Variants in CENPE observed in about 807,000 individuals in gnomAD.
CENPE encodes the protein centromere protein E, also known as centromere-associated protein E.
In CENPE, 145 loss-of-function variants were observed where a neutral mutation model predicts 336.1. That is an observed-to-expected ratio of 0.43 (90% CI 0.38 to 0.50). The LOEUF (loss-of-function observed/expected upper bound fraction) is 0.50, where lower values mean the gene tolerates loss of function less well. CENPE is among the 20% of genes least tolerant of loss of function. CENPE has a pLI of 0.00. For synonymous variants in CENPE, 1,013 were observed against 984.8 expected (o/e 1.03, Z -0.54); for missense variants, 2,719 against 3,023.3 (o/e 0.90, Z 2.36).
intron 16 of CENPE, among the ~76,000 whole-genome samples, chr4:103,171,060 C>G (rs201283636): frequency 5.5e-5 from 6 of 108,330 alleles, no homozygotes; most frequent in Non-Finnish European, 2.3e-5. Flanking sequence ...GGAAGAGAGA[C>G]TGCAACACAA....
intron 8 of CENPE, among the ~76,000 whole-genome samples, chr4:103,191,590 C>A (rs574095926): frequency 1.4e-5 from 2 of 138,114 alleles, no homozygotes; most frequent in African/African-American, 5.5e-5. Context: ...TAGGTTGGAA[C>A]TGAACAATGA....
At chr4:103,185,901 T>C in intron 8 of CENPE, 40 bp from the exon 9 acceptor site, 1 of 1,387,482 alleles carries the variant, frequency 7.2e-7, no homozygotes, top group Non-Finnish European at 1.0e-6. Context: ...GGCAGATAAT[T>C]TGAAATAATA....
At chr4:103,113,524 A>AT in intron 46 of CENPE, among the ~76,000 whole-genome samples, 1 of 139,814 alleles carries the variant, frequency 7.2e-6, no homozygotes, top group African/African-American at 2.7e-5. Context: ...AATATATATT[A>AT]TATATAATAT....
chr4:103,176,233 T>C (rs1358265175), intron 14 of CENPE, among the ~76,000 whole-genome samples, 185 bp from the exon 15 acceptor site: 1 of 152,202 alleles, frequency 6.6e-6, no homozygotes, highest in African/African-American at 2.4e-5. Flanking sequence ...TTGTATGAAT[T>C]AAGATGATCA....
chr4:103,192,931 ATT>A (rs780024766), intron 8 of CENPE, among the ~76,000 whole-genome samples: 1 of 150,536 alleles, frequency 6.6e-6, no homozygotes, highest in African/African-American at 2.4e-5. Flanking sequence ...TTTTTTAATT[ATT>A]TTTTTAGGAG....
rs376026902 is a variant in CENPE, at chr4:103,151,255, G to C, written c.3360C>G (p.Asp1120Glu). The change falls in exon 26 of 49, where the codon GAC (aspartate) becomes GAG (glutamate). Residue 1120 changes from aspartate (D) to glutamate (E), a missense_variant. Around this residue, in one of 5 missense-constraint regions of CENPE, gnomAD observed 2,437 missense variants for 2,513.3 expected, o/e 0.97. Coordinates refer to ENST00000265148, the MANE Select transcript of CENPE (RefSeq NM_001813.3). ...KKEGELSRTC[D>E]RLAEVEEKLK... ...GTTTTTCTTCAACTTCTGCCAGTCT[G>C]TCACAGGTCCTAGAAAGCTCTCCTT... 1 of 1,603,734 alleles carries C rather than the reference G, an allele frequency of 6.2e-7. No homozygotes were observed. The highest frequency in any genetic ancestry group is 1.8e-5 in the Admixed American group (1 of 57,130).
chr4:103,156,298 C>T (rs542669673), intron 24 of CENPE, among the ~76,000 whole-genome samples: 18 of 152,156 alleles, frequency 1.2e-4, no homozygotes, highest in African/African-American at 3.1e-4. Flanking sequence ...AAAAGAAGAA[C>T]GAAGTTGGAG....
At chr4:103,108,725 T>G in intron 48 of CENPE, 78 bp downstream of exon 48, 10 of 1,307,946 alleles carry the variant, frequency 7.6e-6, no homozygotes, top group Non-Finnish European at 1.1e-5. Flanking sequence ...TATCTAAACT[T>G]GCCCTTTGGG....
intron 24 of CENPE, among the ~76,000 whole-genome samples, chr4:103,155,989 T>A (rs990387261): frequency 2.0e-5 from 3 of 152,172 alleles, no homozygotes; most frequent in South Asian, 2.1e-4. Flanking sequence ...GACAATTTTA[T>A]GTATAATAGC....
In CENPE at chr4:103,147,480, A is replaced by C; in HGVS notation, c.4010T>G (p.Phe1337Cys). 6.2e-7 allele frequency: 1 copy of C among 1,613,920 alleles called. No homozygotes were observed. Among genetic ancestry groups the C allele is most frequent in the Non-Finnish European group, 8.5e-7 (1 of 1,179,954 alleles). ...TTTTATCTCTTCCTGACTTTCTTGA[A>C]ATTTTTCATTCAACCTGAGCCTTTC... ...EMERLRLNEK[F>C]QESQEEIKSL... The change falls in exon 29 of 49, where the codon TTT becomes TGT. Residue 1337 changes from phenylalanine to cysteine, a missense_variant. This residue lies in a region of CENPE where 2,437 missense variants were observed against 2,513.3 expected (regional missense o/e 0.97). Coordinates refer to ENST00000265148, the MANE Select transcript of CENPE (RefSeq NM_001813.3).
chr4:103,116,860 A>G (rs1315372165), intron 44 of CENPE, among the ~76,000 whole-genome samples, 171 bp from the exon 45 acceptor site: 1 of 152,136 alleles, frequency 6.6e-6, no homozygotes. Flanking sequence ...ATTGATATGA[A>G]GTCTATTTGA....
chr4:103,175,232 G>A (rs548763855), intron 15 of CENPE, among the ~76,000 whole-genome samples: 1 of 152,006 alleles, frequency 6.6e-6, no homozygotes, highest in East Asian at 1.9e-4. Context: ...TTCAAGAATG[G>A]AAACAGAGAT....
Position 103,146,091 on chromosome 4 carries a change from C to T in CENPE, c.4151G>A (p.Ser1384Asn). The T allele has an allele frequency of 6.2e-7, 1 of 1,612,980 alleles. No individual in the cohort carries two copies. The highest frequency in any genetic ancestry group is 8.5e-7 in the Non-Finnish European group (1 of 1,179,654). Residue 1384 changes from serine (S) to asparagine (N), a missense_variant, in exon 30 of 49, where the codon AGC (serine) becomes AAC (asparagine). Transcript: ENST00000265148. ...CATATTTAAGGACTGTTCTTGTTTG[C>T]TTTGAGACTCCTGGATCTTAAGAGA... is the stretch of plus-strand genomic sequence containing the variant. The part of the protein sequence containing the change: ...ETLAKIQESQ[S>N]KQEQSLNMKE...
Position 103,120,240 on chromosome 4 carries a change from C to T in CENPE, c.7237G>A (p.Val2413Met). The T allele has an allele frequency of 6.2e-7, 1 of 1,612,648 alleles. No individual in the cohort carries two copies. The highest frequency in any genetic ancestry group is 8.5e-7 in the Non-Finnish European group (1 of 1,179,294). Residue 2413 changes from valine (V) to methionine (M), a missense_variant, in exon 44 of 49, where the codon GTG (valine) becomes ATG (methionine). Val to Met is a conservative substitution (Grantham distance 21). This residue lies in a region of CENPE where 2,437 missense variants were observed against 2,513.3 expected (regional missense o/e 0.97). Coordinates refer to ENST00000265148, the MANE Select transcript of CENPE (RefSeq NM_001813.3). ...KIIKMQKELE[V>M]TNDIIAKLQA... is the part of the protein sequence containing the mutation. ...AGTTTTGCTATTATGTCATTAGTCA[C>T]CTCAAGTTCTTTCTGCATCTTTATA...
chr4:103,197,140 C>A (rs1383844811), intron 1 of CENPE, among the ~76,000 whole-genome samples: 3 of 152,160 alleles, frequency 2.0e-5, no homozygotes, highest in Non-Finnish European at 4.4e-5. Flanking sequence ...GCTTAAAATT[C>A]TTAAAACCTT....
At chr4:103,116,726 G>A in intron 44 of CENPE, 37 bp from the exon 45 acceptor site, 1 of 1,103,672 alleles carries the variant, frequency 9.1e-7, no homozygotes, top group Non-Finnish European at 1.3e-6. Context: ...ATAATTATTA[G>A]AGGCGCTTCA....
chr4:103,134,761 C>T (rs191648601), intron 40 of CENPE, among the ~76,000 whole-genome samples: 1 of 152,096 alleles, frequency 6.6e-6, no homozygotes, highest in African/African-American at 2.4e-5. Context: ...TGTCTGATTA[C>T]CAGGATTTGT....
In CENPE at chr4:103,144,422, G is replaced by A. The variant is rs370655189; in HGVS notation, c.5054C>T (p.Thr1685Ile). The change falls in exon 33 of 49, where the codon ACA (threonine) becomes ATA (isoleucine). Residue 1685 changes from threonine (T) to isoleucine (I), a missense_variant. Physicochemically the swap from Thr to Ile is moderately conservative, Grantham distance 89. Transcript: ENST00000265148. ...ACTCCTAAGGTCATCTCTTTCTTTT[G>A]TTACAGATCTCATTTCTTCAAGGTT... ...HENLEEMRSV[T>I]KERDDLRSVE... The A allele has an allele frequency of 4.3e-6, 7 of 1,613,666 alleles. No homozygotes were observed. In the African/African-American group the frequency reaches 8.0e-5, roughly 18 times the overall value.
In CENPE at chr4:103,145,594, A is replaced by G. The variant is rs1752974812; in HGVS notation, c.4501T>C (p.Ser1501Pro). 1.2e-6 allele frequency: 2 copies of G among 1,611,218 alleles called. No homozygotes were observed. The highest frequency in any genetic ancestry group is 2.2e-5 in the South Asian group (2 of 90,524). ...ETINELRVNL[S>P]EKETEISTIQ... ...GTTGATATTTCAGTTTCCTTCTCTG[A>G]AAGATTCACTCTTAACTCATTAATA... is the stretch of plus-strand genomic sequence containing the variant. The change falls in exon 31 of 49, where the codon TCA becomes CCA. Residue 1501 changes from serine to proline, a missense_variant. Ser to Pro is a moderately conservative substitution (Grantham distance 74). Coordinates refer to ENST00000265148, the MANE Select transcript of CENPE (RefSeq NM_001813.3).
Sources: gnomAD v4.1 joint callset for allele counts (sites outside exome capture counted in the v4.1 genomes callset) on GRCh38, gnomAD v4.1.1 for gene constraint, gnomAD v4.1.1 regional missense constraint, MANE v1.5 for transcripts, NCBI Gene and HGNC (gene_info 2026-07-23, HGNC 2026-07-21) for gene names.